Variants in ADK observed in about 807,000 individuals in gnomAD.
The protein encoded by ADK is adenosine kinase.
A neutral mutation model predicts 44.7 loss-of-function variants in ADK; 24 were observed. That is an observed-to-expected ratio of 0.54 (90% CI 0.39 to 0.76). The LOEUF (loss-of-function observed/expected upper bound fraction) is 0.76, where lower values mean the gene tolerates loss of function less well. Ranked by LOEUF, ADK falls within the 30% of genes least tolerant of loss-of-function variation. The pLI is 0.00. For missense variants in ADK, 321 were observed against 425.1 expected, an observed-to-expected ratio of 0.76 and a Z score of 2.15; for synonymous variants, 128 against 142.6, an observed-to-expected ratio of 0.90 and a Z score of 0.73.
intron 1 of ADK, among the ~76,000 whole-genome samples, chr10:74,156,696 G>A (rs1461589495): frequency 1.3e-5 from 2 of 152,188 alleles, no homozygotes; most frequent in Non-Finnish European, 2.9e-5. Context: ...TTAAGAGCAT[G>A]GTCTCTGGCA....
intron 3 of ADK, among the ~76,000 whole-genome samples, chr10:74,254,677 GA>G (rs1286671434): frequency 2.7e-5 from 4 of 150,842 alleles, no homozygotes; most frequent in African/African-American, 7.3e-5. Context: ...AATGTAAAAA[GA>G]AAAAAAAATT....
chr10:74,221,954 G>A (rs1844328273), intron 2 of ADK, among the ~76,000 whole-genome samples: 1 of 152,170 alleles, frequency 6.6e-6, no homozygotes, highest in African/African-American at 2.4e-5. Flanking sequence ...TCAGGACATA[G>A]GCATGGGCAA....
At chr10:74,608,996 A>G (rs1852441633) in intron 9 of ADK, among the ~76,000 whole-genome samples, 1 of 152,062 alleles carries the variant, frequency 6.6e-6, no homozygotes, top group Non-Finnish European at 1.5e-5. Context: ...ACCCAGTTCA[A>G]ACTTTTTTTG....
intron 3 of ADK, among the ~76,000 whole-genome samples, chr10:74,288,203 A>G (rs544511877): frequency 6.6e-6 from 1 of 152,146 alleles, no homozygotes; most frequent in Non-Finnish European, 1.5e-5. Flanking sequence ...GGGAGGGAAC[A>G]TATAAAATTC....
At chr10:74,424,535 C>CAAAAAAAAAAAAAAAAAAAAAA (rs57106986) in intron 6 of ADK, among the ~76,000 whole-genome samples, 6 of 58,458 alleles carry the variant, frequency 1.0e-4, no homozygotes, top group African/African-American at 4.4e-4. Flanking sequence ...AACTCCGTCT[C>CAAAAAAAAAAAAAAAAAAAAAA]AAAAAAAAAA....
At chr10:74,435,246 A>G (rs181870923) in intron 6 of ADK, among the ~76,000 whole-genome samples, 12 of 152,354 alleles carry the variant, frequency 7.9e-5, no homozygotes, top group Admixed American at 7.8e-4. Context: ...ATAGATGAAG[A>G]CTTTATCCTT....
intron 10 of ADK, among the ~76,000 whole-genome samples, chr10:74,698,310 G>A (rs1589379366): frequency 6.6e-6 from 1 of 152,206 alleles, no homozygotes; most frequent in Non-Finnish European, 1.5e-5. Context: ...GATGGTTCTT[G>A]TTCTCTGGTG....
intron 3 of ADK, among the ~76,000 whole-genome samples, chr10:74,244,960 G>A (rs1294501569): frequency 6.6e-6 from 1 of 152,134 alleles, no homozygotes; most frequent in Non-Finnish European, 1.5e-5. Flanking sequence ...AGTGTTTCTA[G>A]GATTTTAATG....
At chr10:74,287,482 C>T (rs1187845461) in intron 3 of ADK, among the ~76,000 whole-genome samples, 1 of 151,164 alleles carries the variant, frequency 6.6e-6, no homozygotes. Context: ...AAAAAAATCT[C>T]TTGGATGAGA....
chr10:74,173,622 G>A (rs1842233739), intron 1 of ADK, among the ~76,000 whole-genome samples: 2 of 151,142 alleles, frequency 1.3e-5, no homozygotes, highest in South Asian at 4.2e-4. Flanking sequence ...GTAAAGATGG[G>A]GTTTCACCAT....
intron 6 of ADK, among the ~76,000 whole-genome samples, chr10:74,499,711 A>G (rs1028477662): frequency 1.3e-5 from 2 of 152,088 alleles, no homozygotes; most frequent in African/African-American, 4.8e-5. Context: ...TGACATTTTT[A>G]TCTCTTCAAG....
At chr10:74,463,402 A>C (rs1049610486) in intron 6 of ADK, among the ~76,000 whole-genome samples, 1 of 152,198 alleles carries the variant, frequency 6.6e-6, no homozygotes, top group Non-Finnish European at 1.5e-5. Flanking sequence ...TCAGTGACAG[A>C]TCATCAGGCA....
chr10:74,350,556 A>G (rs747114089), intron 4 of ADK, among the ~76,000 whole-genome samples: 5 of 152,158 alleles, frequency 3.3e-5, no homozygotes, highest in African/African-American at 7.2e-5. Context: ...ACAAGAAATA[A>G]CTAAGATCAC....
intron 7 of ADK, among the ~76,000 whole-genome samples, chr10:74,556,926 T>C (rs527973892): frequency 1.7e-4 from 26 of 152,254 alleles, no homozygotes; most frequent in South Asian, 4.1e-4. Flanking sequence ...AGAAATAAAG[T>C]AGGAACATAC....
chr10:74,526,409 G>GA (rs988367863), intron 7 of ADK, among the ~76,000 whole-genome samples: 5 of 152,084 alleles, frequency 3.3e-5, no homozygotes, highest in African/African-American at 7.2e-5. Context: ...CATGAAAGAG[G>GA]AAAAAATCCT....
chr10:74,335,166 A>C (rs917311031), intron 4 of ADK, among the ~76,000 whole-genome samples: 4 of 152,202 alleles, frequency 2.6e-5, no homozygotes, highest in Non-Finnish European at 5.9e-5. Flanking sequence ...CCACAGGGGA[A>C]AATGGAATGG....
intron 1 of ADK, among the ~76,000 whole-genome samples, chr10:74,155,758 C>T (rs925126513): frequency 2.4e-4 from 36 of 152,048 alleles, no homozygotes; most frequent in African/African-American, 8.2e-4. Flanking sequence ...TGGTCTTGAT[C>T]GCCTGACCTC....
intron 3 of ADK, among the ~76,000 whole-genome samples, chr10:74,256,100 G>A (rs890433798): frequency 6.6e-6 from 1 of 152,190 alleles, no homozygotes; most frequent in African/African-American, 2.4e-5. Context: ...AAGCTTTCAA[G>A]TGGAGGTGGC....
At position 74,575,438 on chromosome 10, in the gene ADK, C is replaced by T. The variant is rs112679921; in HGVS notation, c.727-13844C>T. Among the ~76,000 whole-genome samples the T allele has an allele frequency of 3.3e-5, 5 of 152,238 alleles. 1 individual carries two copies. Among genetic ancestry groups the T allele is most frequent in the African/African-American group, 7.2e-5 (3 of 41,540 alleles). On this transcript the variant is annotated intron_variant, in intron 7 of 10. Transcript: ENST00000539909. ...TCCTGGAGGTAGAGAAAGGAGAGAA[C>T]ATGAACAATTCAAGAAGACTTCTGT...
Sources: allele counts gnomAD v4.1 joint callset (sites outside exome capture counted in the v4.1 genomes callset), GRCh38; gene constraint gnomAD v4.1.1; transcripts MANE v1.5; gene names NCBI Gene and HGNC (gene_info 2026-07-23, HGNC 2026-07-21).